Variants in ROBO1 observed in about 807,000 individuals in gnomAD.
ROBO1 encodes roundabout homolog 1.
ROBO1 carries 149 observed loss-of-function variants against 195.9 expected under a neutral mutation model. The observed-to-expected ratio is 0.76, with a 90% CI of 0.67 to 0.87. The LOEUF (loss-of-function observed/expected upper bound fraction) is 0.87. Among genes scored for constraint, ROBO1 ranks in the 40% least tolerant of loss-of-function variants. The pLI, the probability that ROBO1 is intolerant of heterozygous loss-of-function variation, is 0.00. For synonymous variants in ROBO1, 816 were observed against 733.2 expected, an observed-to-expected ratio of 1.11 and a Z score of -1.82; for missense variants, 1,933 against 2,068.3, an observed-to-expected ratio of 0.93 and a Z score of 1.27.
chr3:78,733,085 C>T (rs1296018054), intron 5 of ROBO1, among the ~76,000 whole-genome samples: 1 of 152,040 alleles, frequency 6.6e-6, no homozygotes, highest in Non-Finnish European at 1.5e-5. Context: ...AACCTTTAAA[C>T]AAAAGAATTG....
intron 4 of ROBO1, among the ~76,000 whole-genome samples, chr3:78,846,907 G>A (rs2033705944): frequency 6.6e-6 from 1 of 152,142 alleles, no homozygotes; most frequent in Admixed American, 6.6e-5. Flanking sequence ...CAGACTAGCA[G>A]CTGAGACAGC....
chr3:79,279,387 C>T (rs972312396), intron 2 of ROBO1, among the ~76,000 whole-genome samples: 10 of 152,140 alleles, frequency 6.6e-5, no homozygotes, highest in Admixed American at 6.6e-4. Context: ...GATTAATTAA[C>T]ATCACAGATC....
intron 2 of ROBO1, among the ~76,000 whole-genome samples, chr3:79,401,651 C>A (rs551007696): frequency 6.6e-6 from 1 of 151,662 alleles, no homozygotes; most frequent in African/African-American, 2.4e-5. Context: ...AATTTGTAAA[C>A]GCAATGCAGA....
chr3:79,046,975 A>C (rs187569672), intron 3 of ROBO1, among the ~76,000 whole-genome samples: 1 of 152,268 alleles, frequency 6.6e-6, no homozygotes, highest in East Asian at 1.9e-4. Context: ...AGAGTTCGGC[A>C]TCTAGAAGGA....
At chr3:79,202,601 T>A in intron 2 of ROBO1, among the ~76,000 whole-genome samples, 1 of 146,188 alleles carries the variant, frequency 6.8e-6, no homozygotes, top group Non-Finnish European at 1.5e-5. Flanking sequence ...AAAAAGTCAC[T>A]CATTTCAAAA....
At chr3:79,560,381 T>G (rs2107706918) in intron 2 of ROBO1, among the ~76,000 whole-genome samples, 1 of 60,272 alleles carries the variant, frequency 1.7e-5, no homozygotes, top group Non-Finnish European at 2.9e-5. Context: ...TGGGGACTGT[T>G]GTGGGGTGGG....
At chr3:78,830,140 T>C (rs1168410948) in intron 4 of ROBO1, among the ~76,000 whole-genome samples, 1 of 152,178 alleles carries the variant, frequency 6.6e-6, no homozygotes, top group African/African-American at 2.4e-5. Context: ...AGCTCAGTCA[T>C]GCAGCCAGTC....
chr3:79,615,550 T>C (rs1324034413), intron 1 of ROBO1, among the ~76,000 whole-genome samples: 3 of 152,158 alleles, frequency 2.0e-5, no homozygotes, highest in Non-Finnish European at 4.4e-5. Flanking sequence ...CGAAATAATT[T>C]TGGTTTACAG....
At chr3:78,710,755 A>G (rs2081663973) in intron 8 of ROBO1, among the ~76,000 whole-genome samples, 1 of 152,178 alleles carries the variant, frequency 6.6e-6, no homozygotes, top group Non-Finnish European at 1.5e-5. Flanking sequence ...ATTATCTTTA[A>G]CACACTTCTT....
Position 78,913,541 on chromosome 3 carries a change from A to C in ROBO1, c.499+25060T>G, listed in dbSNP as rs149125934. ...ATTGATTCATTTTGGATTAACTAGA[A>C]AGAGAAAAATAATTTCAAATATAAT... On this transcript the variant is annotated intron_variant, in intron 4 of 30. Transcript: ENST00000464233. 4.6e-3 allele frequency among the ~76,000 whole-genome samples: 701 copies of C among 152,286 alleles called. 2 individuals are homozygous for C. Among genetic ancestry groups the C allele is most frequent in the Non-Finnish European group, 8.8e-3 (601 of 68,000 alleles).
At chr3:78,959,327 C>G (rs898729796) in intron 3 of ROBO1, among the ~76,000 whole-genome samples, 1 of 152,064 alleles carries the variant, frequency 6.6e-6, no homozygotes, top group Non-Finnish European at 1.5e-5. Flanking sequence ...ATTTGATAAA[C>G]TAGTTTTATT....
intron 2 of ROBO1, among the ~76,000 whole-genome samples, chr3:79,415,561 G>A (rs1200039368): frequency 4.6e-5 from 7 of 152,096 alleles, no homozygotes; most frequent in Non-Finnish European, 8.8e-5. Context: ...AAAGAATAGC[G>A]AGAAATATGG....
chr3:79,216,582 C>T (rs1168561335), intron 2 of ROBO1, among the ~76,000 whole-genome samples: 2 of 151,806 alleles, frequency 1.3e-5, no homozygotes, highest in Non-Finnish European at 2.9e-5. Context: ...GGAGTACCTC[C>T]GAACAGTAAT....
intron 1 of ROBO1, among the ~76,000 whole-genome samples, chr3:79,614,361 A>G (rs1337745474): frequency 6.6e-6 from 1 of 152,124 alleles, no homozygotes; most frequent in Non-Finnish European, 1.5e-5. Flanking sequence ...GCATTTATAT[A>G]TCACCCACAT....
At chr3:79,214,512 T>C (rs2082019965) in intron 2 of ROBO1, among the ~76,000 whole-genome samples, 1 of 152,044 alleles carries the variant, frequency 6.6e-6, no homozygotes, top group African/African-American at 2.4e-5. Flanking sequence ...CTTATAGTAT[T>C]GTAAGGCGAA....
intron 9 of ROBO1, among the ~76,000 whole-genome samples, chr3:78,686,641 T>C (rs886991180): frequency 1.3e-5 from 2 of 152,160 alleles, no homozygotes; most frequent in Non-Finnish European, 2.9e-5. Context: ...GCTTCACCTG[T>C]ATGTGACTAC....
At chr3:79,492,427 G>GAA (rs57495210) in intron 2 of ROBO1, among the ~76,000 whole-genome samples, 1,160 of 109,460 alleles carry the variant, frequency 0.011, 26 homozygotes, top group African/African-American at 0.036. Flanking sequence ...CTCTGTTTCA[G>GAA]AAAAAAAAAA....
chr3:78,661,913 CAG>C (rs1707427144), intron 15 of ROBO1, 78 bp downstream of exon 15: 10 of 1,455,322 alleles, frequency 6.9e-6, no homozygotes, highest in Non-Finnish European at 9.3e-6. Flanking sequence ...AAGTAGGCAA[CAG>C]ATAGTTACAT....
At chr3:78,995,378 G>C (rs147756003) in intron 3 of ROBO1, among the ~76,000 whole-genome samples, 1 of 152,002 alleles carries the variant, frequency 6.6e-6, no homozygotes, top group Non-Finnish European at 1.5e-5. Context: ...GATGAACCTG[G>C]AACCGAGCAA....
Sources: gnomAD v4.1 joint callset for allele counts (sites outside exome capture counted in the v4.1 genomes callset) on GRCh38, gnomAD v4.1.1 for gene constraint, MANE v1.5 for transcripts, NCBI Gene and HGNC (gene_info 2026-07-23, HGNC 2026-07-21) for gene names.